Variants in WAC observed in about 807,000 individuals in gnomAD.
WAC encodes WW domain containing adaptor with coiled-coil, also known as WW domain-containing adapter protein with coiled-coil.
In WAC, 11 loss-of-function variants were observed where a neutral mutation model predicts 79.6. The observed-to-expected ratio is 0.14, with a 90% CI of 0.09 to 0.23. The LOEUF (loss-of-function observed/expected upper bound fraction) is 0.23. Among genes scored for constraint, WAC ranks in the 10% least tolerant of loss-of-function variants. The pLI, the probability that WAC is intolerant of heterozygous loss-of-function variation, is 1.00. For synonymous variants in WAC, 304 were observed against 276.9 expected, an observed-to-expected ratio of 1.10 and a Z score of -0.97; for missense variants, 728 against 773.5, an observed-to-expected ratio of 0.94 and a Z score of 0.70.
In WAC at chr10:28,608,395, A is replaced by G. The variant is rs1064796840; in HGVS notation, c.1129A>G (p.Asn377Asp). The G allele has an allele frequency of 6.2e-7, 1 of 1,610,390 alleles. No homozygotes were observed. The highest frequency in any genetic ancestry group is 8.5e-7 in the Non-Finnish European group (1 of 1,177,926). The change falls in exon 8 of 14, where the codon AAT (asparagine) becomes GAT (aspartate). Residue 377 changes from asparagine to aspartate, a missense_variant. Physicochemically the swap from Asn to Asp is conservative, Grantham distance 23 (BLOSUM62 1). This residue lies in a region of WAC where 648 missense variants were observed against 661.5 expected (regional missense o/e 0.98). Transcript: ENST00000354911. The stretch of plus-strand genomic sequence containing the variant: ...TGCTTTGCAAGCCACGCTGCAGCTT[A>G]ATAATTCTAATGTGGACATATCTAA... Reference protein sequence around the residue: ...LPALQATLQLNNSNVDISKIN... With the variant: ...LPALQATLQLDNSNVDISKIN...
intron 3 of WAC, among the ~76,000 whole-genome samples, chr10:28,547,779 A>T (rs1837434447): frequency 6.6e-6 from 1 of 152,110 alleles, no homozygotes; most frequent in African/African-American, 2.4e-5. Context: ...CCAGCTTGAA[A>T]ATTTAGAGTT....
intron 3 of WAC, among the ~76,000 whole-genome samples, chr10:28,550,641 A>C (rs1178155773): frequency 6.6e-6 from 1 of 152,198 alleles, no homozygotes; most frequent in Non-Finnish European, 1.5e-5. Flanking sequence ...AGAAATCTTC[A>C]GAGAACTGAT....
Position 28,620,215 on chromosome 10 carries a change from A to G in WAC, c.*609A>G, listed in dbSNP as rs1227463900. 1.3e-5 allele frequency: 2 copies of G among 152,542 alleles called. No homozygotes were observed. Among genetic ancestry groups the G allele is most frequent in the African/African-American group, 2.4e-5 (1 of 41,412 alleles). 9.4% of individuals were successfully genotyped at this position (152,542 alleles called of 1,614,324 possible). The stretch of plus-strand genomic sequence containing the variant: ...TCCTTCTGAAATTCTGATTTTATCC[A>G]TTTTTTTAAGGCTCCTCTTTATCTC... On this transcript the variant is annotated 3_prime_UTR_variant, in exon 14 of 14. Transcript: ENST00000354911.
rs1266463776 is a variant in WAC at position 28,533,340 on chromosome 10, C to G, written c.-240C>G. 1 of 154,400 alleles carries G rather than the reference C, an allele frequency of 6.5e-6. No homozygotes were observed. Among genetic ancestry groups the G allele is most frequent in the East Asian group, 1.9e-4 (1 of 5,166 alleles). 9.6% of individuals were successfully genotyped at this position (154,400 alleles called of 1,614,324 possible). A position where few individuals can be genotyped will look rare whatever the true frequency, so the allele number is the denominator to read the frequency against. On this transcript the variant is annotated 5_prime_UTR_variant, in exon 1 of 14. Transcript: ENST00000354911. ...TCGTCTTGCCCCCCTCCCCCCGGTT[C>G]GCGGTGCCGCCGTGTAGTTGGCGCC...
chr10:28,583,913 G>T (rs571781956), intron 4 of WAC, among the ~76,000 whole-genome samples: 67 of 152,256 alleles, frequency 4.4e-4, no homozygotes, highest in Non-Finnish European at 9.0e-4. Context: ...TCTCCCAGAC[G>T]CTAGGGATAT....
In WAC at chr10:28,533,421, C is replaced by A; in HGVS notation, c.-159C>A. Reference sequence around the variant, plus strand: ...GACGGAGGGAGATGGCCCGGGAGCGCCGGCGCCAGTAACTGGGAGCTGATG... The same window carrying A: ...GACGGAGGGAGATGGCCCGGGAGCGACGGCGCCAGTAACTGGGAGCTGATG... On this transcript the variant is annotated 5_prime_UTR_variant, in exon 1 of 14. Coordinates refer to ENST00000354911, the MANE Select transcript of WAC (RefSeq NM_016628.5). 1 of 191,178 alleles carries A rather than the reference C, an allele frequency of 5.2e-6. No homozygotes were observed. The highest frequency in any genetic ancestry group is 9.8e-6 in the Non-Finnish European group (1 of 102,298). The allele number at this position is 191,178 out of a possible 1,614,324, so 11.8% of individuals were successfully genotyped here. A position where few individuals can be genotyped will look rare whatever the true frequency, so the allele number is the denominator to read the frequency against.
intron 3 of WAC, among the ~76,000 whole-genome samples, chr10:28,544,187 C>G (rs576866914): frequency 2.0e-5 from 3 of 152,236 alleles, no homozygotes; most frequent in East Asian, 3.9e-4. Context: ...CCACTTCTTT[C>G]CAGATTTTTT....
chr10:28,617,923 T>C, intron 13 of WAC, 139 bp downstream of exon 13: 1 of 1,015,568 alleles, frequency 9.8e-7, no homozygotes, highest in Non-Finnish European at 1.3e-6. Context: ...CACTGCATTT[T>C]CATAAGTTAA....
chr10:28,603,564 T>C (rs565788440), intron 7 of WAC, among the ~76,000 whole-genome samples: 16 of 152,288 alleles, frequency 1.1e-4, no homozygotes, highest in African/African-American at 3.6e-4. Context: ...TAAAACATGT[T>C]ATTAAGCATA....
chr10:28,558,272 T>G (rs1838108437), intron 3 of WAC, among the ~76,000 whole-genome samples: 1 of 152,128 alleles, frequency 6.6e-6, no homozygotes, highest in Admixed American at 6.5e-5. Flanking sequence ...TTTAAAGATT[T>G]TATTGAGGAG....
In WAC at chr10:28,589,841, T is replaced by C; in HGVS notation, c.487T>C (p.Trp163Arg). Residue 163 changes from tryptophan (W) to arginine (R), a missense_variant, in exon 5 of 14, where the codon TGG (tryptophan) becomes CGG (arginine). Trp to Arg is a moderately radical substitution (Grantham distance 101). Coordinates refer to ENST00000354911, the MANE Select transcript of WAC (RefSeq NM_016628.5). ...EVSQWEKPKE[W>R]LEREQRQKEA... is the part of the protein sequence containing the mutation. ...TTCACAATGGGAAAAACCAAAAGAG[T>C]GGCTTGAAAGGTAATTAGCTTTTAA... The C allele has an allele frequency of 6.2e-7, 1 of 1,608,872 alleles. No homozygotes were observed. Among genetic ancestry groups the C allele is most frequent in the Non-Finnish European group, 8.5e-7 (1 of 1,175,726 alleles).
chr10:28,547,528 T>TC (rs1837419428), intron 3 of WAC, among the ~76,000 whole-genome samples: 1 of 150,354 alleles, frequency 6.7e-6, no homozygotes, highest in South Asian at 2.1e-4. Context: ...AGAGTGAGAC[T>TC]CCATCTCCAA....
intron 3 of WAC, among the ~76,000 whole-genome samples, chr10:28,569,524 ATTG>A (rs1838832594): frequency 6.6e-6 from 1 of 152,142 alleles, no homozygotes; most frequent in Admixed American, 6.6e-5. Context: ...CTCTTATTCT[ATTG>A]TTTGTCGGCA....
chr10:28,571,327 A>T (rs780650050), intron 3 of WAC, among the ~76,000 whole-genome samples: 49 of 152,166 alleles, frequency 3.2e-4, no homozygotes, highest in Admixed American at 2.4e-3. Flanking sequence ...TAATTTTGAG[A>T]ATTTGTTATT....
chr10:28,576,386 T>C (rs1382011528), intron 3 of WAC, among the ~76,000 whole-genome samples: 2 of 152,200 alleles, frequency 1.3e-5, no homozygotes, highest in Admixed American at 1.3e-4. Flanking sequence ...ACTTCAATGT[T>C]TGAACCTGTC....
chr10:28,556,490 TCTA>T (rs775125599), intron 3 of WAC, among the ~76,000 whole-genome samples: 1 of 148,004 alleles, frequency 6.8e-6, no homozygotes, highest in Non-Finnish European at 1.5e-5. Flanking sequence ...GCAAATATTT[TCTA>T]CTATTTTGTA....
At chr10:28,593,417 A>G (rs1193902799) in intron 6 of WAC, among the ~76,000 whole-genome samples, 1 of 152,124 alleles carries the variant, frequency 6.6e-6, no homozygotes, top group Non-Finnish European at 1.5e-5. Flanking sequence ...GTAGGTTTTA[A>G]TGAGGTTTTT....
chr10:28,623,039 T>C lies in WAC; in HGVS notation c.*3433T>C, dbSNP rs1248344987. 1 of 152,212 alleles carries C rather than the reference T, an allele frequency of 6.6e-6. No individual in the cohort carries two copies. The highest frequency in any genetic ancestry group is 1.9e-4 in the East Asian group (1 of 5,202). 9.4% of individuals were successfully genotyped at this position (152,212 alleles called of 1,614,324 possible). On this transcript the variant is annotated 3_prime_UTR_variant, in exon 14 of 14. Transcript: ENST00000354911. Reference sequence around the variant, plus strand: ...TTGTGCAGTTATTTCAGAACTGTGTTTTGAAAGTCTTAGAATGCATAATTT... The same window carrying C: ...TTGTGCAGTTATTTCAGAACTGTGTCTTGAAAGTCTTAGAATGCATAATTT...
chr10:28,575,813 T>G (rs77976709), intron 3 of WAC, among the ~76,000 whole-genome samples: 13 of 152,370 alleles, frequency 8.5e-5, no homozygotes, highest in African/African-American at 3.1e-4. Context: ...TTTCATTCTT[T>G]TGCACGTGCC....
Sources: gnomAD v4.1 joint callset for allele counts (sites outside exome capture counted in the v4.1 genomes callset) on GRCh38, gnomAD v4.1.1 for gene constraint, gnomAD v4.1.1 regional missense constraint, MANE v1.5 for transcripts, NCBI Gene and HGNC (gene_info 2026-07-23, HGNC 2026-07-21) for gene names.